The following ATRNL1 variants were observed in gnomAD, a reference collection of about 807,000 sequenced individuals.
ATRNL1 encodes the protein attractin like 1.
ATRNL1 carries 95 observed loss-of-function variants against 182.7 expected under a neutral mutation model. The ratio of observed to expected loss-of-function variants is 0.52; its 90% CI spans 0.44 to 0.62. The LOEUF is 0.62. ATRNL1 is among the 20% of genes least tolerant of loss of function. The probability of loss-of-function intolerance (pLI) is 0.00; values close to 1 mark genes in which losing one functional copy is unlikely to be tolerated. For missense variants in ATRNL1, 1,471 were observed against 1,679.5 expected (o/e 0.88, Z 2.17); for synonymous variants, 576 against 568.3 (o/e 1.01, Z -0.19).
At chr10:115,788,008 T>C (rs1292483083) in intron 27 of ATRNL1, among the ~76,000 whole-genome samples, 2 of 152,188 alleles carry the variant, frequency 1.3e-5, no homozygotes, top group Non-Finnish European at 2.9e-5. Flanking sequence ...TTTCTGTTGT[T>C]TTAAGCCACC....
At chr10:115,879,791 T>G (rs193252661) in intron 28 of ATRNL1, among the ~76,000 whole-genome samples, 17 of 152,266 alleles carry the variant, frequency 1.1e-4, no homozygotes, top group African/African-American at 4.1e-4. Context: ...AAGGAAAGCA[T>G]TTTCAACCAG....
At chr10:115,802,460 A>C (rs1555084603) in intron 27 of ATRNL1, among the ~76,000 whole-genome samples, 2 of 152,190 alleles carry the variant, frequency 1.3e-5, no homozygotes, top group Non-Finnish European at 1.5e-5. Context: ...AAAAGAATTG[A>C]TCATTTTTGT....
chr10:115,249,194 A>G (rs568486371), intron 10 of ATRNL1, among the ~76,000 whole-genome samples: 22 of 152,102 alleles, frequency 1.4e-4, no homozygotes, highest in Non-Finnish European at 2.8e-4. Context: ...GGATTTCATC[A>G]TGTTGGCCAG....
At chr10:115,354,794 T>C (rs2134135879) in intron 19 of ATRNL1, among the ~76,000 whole-genome samples, 1 of 152,256 alleles carries the variant, frequency 6.6e-6, no homozygotes, top group East Asian at 1.9e-4. Context: ...GTCTTTTTCT[T>C]TGTATCCTCT....
intron 5 of ATRNL1, among the ~76,000 whole-genome samples, chr10:115,142,363 T>C (rs367956589): frequency 6.6e-6 from 1 of 152,060 alleles, no homozygotes; most frequent in South Asian, 2.1e-4. Context: ...CAGGTGTACA[T>C]AAGGACCAGT....
At chr10:115,369,430 G>A (rs1857268612) in intron 19 of ATRNL1, among the ~76,000 whole-genome samples, 1 of 152,104 alleles carries the variant, frequency 6.6e-6, no homozygotes, top group Admixed American at 6.5e-5. Flanking sequence ...GTGAGAGGAT[G>A]AGGCTTGAAT....
At chr10:115,389,355 A>C (rs1554953591) in intron 19 of ATRNL1, among the ~76,000 whole-genome samples, 1 of 151,280 alleles carries the variant, frequency 6.6e-6, no homozygotes, top group Non-Finnish European at 1.5e-5. Context: ...ATATACAAAA[A>C]TTAGCCAGGC....
intron 13 of ATRNL1, among the ~76,000 whole-genome samples, chr10:115,276,466 C>T (rs1554914876): frequency 1.3e-5 from 2 of 152,104 alleles, no homozygotes; most frequent in African/African-American, 4.8e-5. Context: ...GATGTGTTAA[C>T]AAGGAAAACA....
chr10:115,177,903 GTTTTTTTTGTT>G (rs1158914069), intron 8 of ATRNL1, among the ~76,000 whole-genome samples: 20 of 102,058 alleles, frequency 2.0e-4, no homozygotes, highest in Non-Finnish European at 2.8e-4. Context: ...TTGTTTTTTT[GTTTTTTTTGTT>G]TTTTTTTTTG....
chr10:115,703,347 T>C (rs952639775), intron 26 of ATRNL1, among the ~76,000 whole-genome samples: 2 of 151,958 alleles, frequency 1.3e-5, no homozygotes, highest in Non-Finnish European at 2.9e-5. Flanking sequence ...GACACTGACC[T>C]TGGGAAAGAA....
intron 8 of ATRNL1, among the ~76,000 whole-genome samples, chr10:115,194,037 T>C (rs902777929): frequency 6.6e-6 from 1 of 152,010 alleles, no homozygotes; most frequent in Admixed American, 6.6e-5. Context: ...AGTTTTATTC[T>C]GTTGTGGTCA....
chr10:115,782,360 C>T (rs1167094883), intron 27 of ATRNL1, among the ~76,000 whole-genome samples: 1 of 152,260 alleles, frequency 6.6e-6, no homozygotes, highest in Non-Finnish European at 1.5e-5. Context: ...GAAATTGAAC[C>T]TTTACATTAA....
chr10:115,336,911 T>C (rs925254403), intron 19 of ATRNL1, among the ~76,000 whole-genome samples: 1 of 150,712 alleles, frequency 6.6e-6, no homozygotes, highest in Non-Finnish European at 1.5e-5. Context: ...AGTGGTGTGA[T>C]CTCGGCTCAC....
chr10:115,459,738 C>T (rs1022934370), intron 21 of ATRNL1, among the ~76,000 whole-genome samples: 1 of 152,082 alleles, frequency 6.6e-6, no homozygotes, highest in African/African-American at 2.4e-5. Flanking sequence ...GTCTGTCACC[C>T]ACACCTATTC....
At chr10:115,297,591 G>A (rs1554923074) in intron 15 of ATRNL1, among the ~76,000 whole-genome samples, 1 of 148,634 alleles carries the variant, frequency 6.7e-6, no homozygotes, top group East Asian at 2.0e-4. Context: ...CTTGCAGTGA[G>A]CCAAGATCGA....
chr10:115,929,415 A>C (rs562138621), intron 28 of ATRNL1, among the ~76,000 whole-genome samples: 1 of 152,102 alleles, frequency 6.6e-6, no homozygotes, highest in African/African-American at 2.4e-5. Flanking sequence ...ATCCTATCTT[A>C]TATTTATGTC....
intron 27 of ATRNL1, among the ~76,000 whole-genome samples, chr10:115,841,273 AATC>A (rs1196668401): frequency 2.0e-5 from 3 of 152,224 alleles, no homozygotes; most frequent in East Asian, 3.9e-4. Context: ...AAGCTGTCAC[AATC>A]CAGCCTCTTT....
chr10:115,877,327 CCA>C (rs1951723402), intron 28 of ATRNL1, among the ~76,000 whole-genome samples: 3 of 152,240 alleles, frequency 2.0e-5, no homozygotes, highest in Admixed American at 2.0e-4. Flanking sequence ...ACAAAGCTAC[CCA>C]TATAGCCTTA....
intron 26 of ATRNL1, among the ~76,000 whole-genome samples, chr10:115,669,203 CA>C (rs1945614697): frequency 6.6e-6 from 1 of 152,158 alleles, no homozygotes; most frequent in Admixed American, 6.5e-5. Flanking sequence ...ACAAATTTAA[CA>C]ATGTATATGT....
Sources: allele counts gnomAD v4.1 joint callset (sites outside exome capture counted in the v4.1 genomes callset), GRCh38; gene constraint gnomAD v4.1.1; transcripts MANE v1.5; gene names NCBI Gene and HGNC (gene_info 2026-07-23, HGNC 2026-07-21).